Variants in CAND1 observed in about 807,000 individuals in gnomAD.
CAND1 encodes cullin associated and neddylation dissociated 1, also known as cullin-associated NEDD8-dissociated protein 1.
CAND1 carries 7 observed loss-of-function variants against 108.5 expected under a neutral mutation model. That is an observed-to-expected ratio of 0.06 (90% CI 0.04 to 0.12). CAND1 has a LOEUF of 0.12. Among genes scored for constraint, CAND1 ranks in the 10% least tolerant of loss-of-function variants. The probability of loss-of-function intolerance (pLI) is 1.00; values close to 1 mark genes in which losing one functional copy is unlikely to be tolerated. For synonymous variants in CAND1, 534 were observed against 512.0 expected (o/e 1.04, Z -0.58); for missense variants, 941 against 1,448.7 (o/e 0.65, Z 5.69).
chr12:67,272,369 A>G (rs1328931831), intron 1 of CAND1, among the ~76,000 whole-genome samples: 1 of 152,232 alleles, frequency 6.6e-6, no homozygotes, highest in African/African-American at 2.4e-5. Flanking sequence ...TCTGAGAGGC[A>G]TGGACATGAC....
intron 8 of CAND1, among the ~76,000 whole-genome samples, chr12:67,303,437 G>T (rs2044845433): frequency 6.6e-6 from 1 of 152,194 alleles, no homozygotes; most frequent in Non-Finnish European, 1.5e-5. Context: ...AGAAGGAAAT[G>T]AGATAAAGTG....
chr12:67,269,843 C>G, intron 1 of CAND1, 58 bp downstream of exon 1: 1 of 1,478,472 alleles, frequency 6.8e-7, no homozygotes, highest in Non-Finnish European at 9.3e-7. Context: ...GCGGCCCTGG[C>G]CGTCACGCAG....
At position 67,319,801 on chromosome 12, in the gene CAND1, C is replaced by T. The variant is rs1431486912; in HGVS notation, c.*6971C>T. ...TTTGTGACTTTCTGTACTCTGATGCCCCCAGCTTTCTGCCTTCTAGAAATT... is the reference window on the plus strand; with the variant it reads ...TTTGTGACTTTCTGTACTCTGATGCTCCCAGCTTTCTGCCTTCTAGAAATT... On this transcript the variant is annotated 3_prime_UTR_variant, in exon 15 of 15. Coordinates refer to ENST00000545606, the MANE Select transcript of CAND1 (RefSeq NM_018448.5). 6.6e-6 allele frequency: 1 copy of T among 152,186 alleles called. No individual in the cohort carries two copies. Among genetic ancestry groups the T allele is most frequent in the Non-Finnish European group, 1.5e-5 (1 of 68,030 alleles). 9.4% of individuals were successfully genotyped at this position (152,186 alleles called of 1,614,324 possible).
chr12:67,285,621 T>C (rs1010349748), intron 2 of CAND1, among the ~76,000 whole-genome samples: 9 of 152,184 alleles, frequency 5.9e-5, no homozygotes, highest in African/African-American at 2.2e-4. Context: ...GAAGGTGGCA[T>C]CACTGAGAAA....
At chr12:67,276,141 T>G (rs1045231939) in intron 1 of CAND1, among the ~76,000 whole-genome samples, 2 of 152,136 alleles carry the variant, frequency 1.3e-5, no homozygotes, top group African/African-American at 4.8e-5. Flanking sequence ...TAGAATTTTC[T>G]TCCTATATAC....
intron 1 of CAND1, 41 bp downstream of exon 1, chr12:67,269,826 C>T: frequency 1.9e-6 from 3 of 1,551,422 alleles, no homozygotes; most frequent in South Asian, 1.2e-5. Flanking sequence ...TCGGGGTTCT[C>T]GCAGCCGCGG....
chr12:67,291,882 A>G (rs2044725644), intron 2 of CAND1, among the ~76,000 whole-genome samples: 2 of 152,030 alleles, frequency 1.3e-5, no homozygotes, highest in Admixed American at 6.6e-5. Flanking sequence ...TTGATTGATT[A>G]ATTGAGACAG....
At position 67,311,836 on chromosome 12, in the gene CAND1, G is replaced by A. The variant is rs1249218149; in HGVS notation, c.3468+36G>A. 3 of 1,163,986 alleles carry A rather than the reference G, an allele frequency of 2.6e-6. No homozygotes were observed. The African/African-American group carries it at 4.5e-5, about 18-fold the overall frequency. The allele number at this position is 1,163,986 out of a possible 1,614,324, so 72.1% of individuals were successfully genotyped here. On this transcript the variant is annotated intron_variant, in intron 14 of 14. Transcript: ENST00000545606. Reference sequence around the variant, plus strand: ...ATAAGTATCAACCTAGGTCAGACTTGGTGTATTGGGGATTCCTAGCCAATT... The same window carrying A: ...ATAAGTATCAACCTAGGTCAGACTTAGTGTATTGGGGATTCCTAGCCAATT...
chr12:67,281,750 T>C (rs1565716005), intron 1 of CAND1, among the ~76,000 whole-genome samples, 160 bp from the exon 2 acceptor site: 1 of 152,228 alleles, frequency 6.6e-6, no homozygotes, highest in Non-Finnish European at 1.5e-5. Context: ...TGGTAGCTTT[T>C]AGATTAAATT....
intron 2 of CAND1, among the ~76,000 whole-genome samples, chr12:67,286,805 T>A (rs1180679647): frequency 6.6e-6 from 1 of 152,208 alleles, no homozygotes; most frequent in Non-Finnish European, 1.5e-5. Context: ...AGTTCTGTGA[T>A]CTATCTTGAA....
chr12:67,269,808 AC>A, intron 1 of CAND1, 23 bp downstream of exon 1: 1 of 1,591,664 alleles, frequency 6.3e-7, no homozygotes, highest in Non-Finnish European at 8.5e-7. Context: ...TCCGACCCTC[AC>A]CCCACCTCGG....
At chr12:67,278,449 C>A (rs1222913035) in intron 1 of CAND1, among the ~76,000 whole-genome samples, 2 of 151,884 alleles carry the variant, frequency 1.3e-5, no homozygotes, top group African/African-American at 4.8e-5. Context: ...ATGCCCAGCT[C>A]CTACTCTTCA....
At chr12:67,309,325 A>G (rs1252633138) in intron 11 of CAND1, among the ~76,000 whole-genome samples, 9 of 151,830 alleles carry the variant, frequency 5.9e-5, no homozygotes, top group Admixed American at 5.9e-4. Flanking sequence ...TTAGCTTTCA[A>G]TTTTCTCCTT....
Position 67,306,157 on chromosome 12 carries a change from C to G in CAND1, c.2489C>G (p.Ser830Cys), listed in dbSNP as rs1325846883. 6.2e-7 allele frequency: 1 copy of G among 1,614,016 alleles called. No individual in the cohort carries two copies. The highest frequency in any genetic ancestry group is 1.3e-5 in the African/African-American group (1 of 74,914). The change falls in exon 10 of 15, where the codon TCT (serine) becomes TGT (cysteine). Residue 830 changes from serine (S) to cysteine (C), a missense_variant. Ser to Cys is a moderately radical substitution (Grantham distance 112). Coordinates refer to ENST00000545606, the MANE Select transcript of CAND1 (RefSeq NM_018448.5). ...ATTCAAGATGTCAAGAACTCAAGGT[C>G]TACAGATTCCATTCGTCTCTTAGCT... The part of the protein sequence containing the change: ...QFIQDVKNSR[S>C]TDSIRLLALL...
At chr12:67,300,454 C>T (rs564235003) in intron 7 of CAND1, among the ~76,000 whole-genome samples, 8 of 152,040 alleles carry the variant, frequency 5.3e-5, no homozygotes, top group Non-Finnish European at 1.0e-4. Flanking sequence ...CTTTTCCCTG[C>T]CCCTTCCCCA....
intron 7 of CAND1, among the ~76,000 whole-genome samples, chr12:67,300,531 TG>T (rs2044814815): frequency 6.6e-6 from 1 of 152,168 alleles, no homozygotes; most frequent in Admixed American, 6.5e-5. Context: ...TCTTCTTAGT[TG>T]ATCAGGCCAA....
intron 2 of CAND1, 86 bp downstream of exon 2, chr12:67,282,139 T>A (rs1205564633): frequency 2.2e-6 from 3 of 1,377,200 alleles, no homozygotes; most frequent in African/African-American, 2.9e-5. Flanking sequence ...TAAATTATCT[T>A]AGCCTTGTAC....
chr12:67,290,210 C>T (rs1231974097), intron 2 of CAND1, among the ~76,000 whole-genome samples: 2 of 152,162 alleles, frequency 1.3e-5, no homozygotes, highest in Admixed American at 1.3e-4. Flanking sequence ...TTCTCACTAT[C>T]TCATGAAAGC....
chr12:67,270,189 TAGGCCGCC>T, intron 1 of CAND1: 1 of 177,886 alleles, frequency 5.6e-6, no homozygotes, highest in South Asian at 1.3e-4. Context: ...CCTGCGGCGC[TAGGCCGCC>T]TTGCTCGCTG....
Sources: gnomAD v4.1 joint callset for allele counts (sites outside exome capture counted in the v4.1 genomes callset) on GRCh38, gnomAD v4.1.1 for gene constraint, MANE v1.5 for transcripts, NCBI Gene and HGNC (gene_info 2026-07-23, HGNC 2026-07-21) for gene names.